BBOF1: variants seen among roughly 807,000 people sequenced by gnomAD.
The protein encoded by BBOF1 is basal body-orientation factor 1.
A neutral mutation model predicts 68.0 loss-of-function variants in BBOF1; 62 were observed. The ratio of observed to expected loss-of-function variants is 0.91; its 90% CI spans 0.74 to 1.13. The LOEUF is 1.13. Ranked by LOEUF, BBOF1 falls within the 50% of genes most tolerant of loss-of-function variation. The pLI is 0.00. For missense variants in BBOF1, 534 were observed against 600.1 expected, an observed-to-expected ratio of 0.89 and a Z score of 1.15; for synonymous variants, 208 against 198.8, an observed-to-expected ratio of 1.05 and a Z score of -0.39.
In BBOF1 at chr14:74,019,528, A is replaced by T. The variant is rs759708180; in HGVS notation, c.50A>T (p.Asp17Val). The stretch of plus-strand genomic sequence containing the variant: ...AAGAAAGGCAAGAGCAAAGGCAAAG[A>T]CACGAAGTAAGGAGAAGCCACCCGA... ...DKKKGKSKGK[D>V]TKKLIKTDES... Residue 17 changes from aspartate to valine, a missense_variant, in exon 1 of 12, where the codon GAC becomes GTC. By Grantham distance (152) the Asp-to-Val change is radical. Coordinates refer to ENST00000394009, the MANE Select transcript of BBOF1 (RefSeq NM_025057.3). The T allele has an allele frequency of 6.3e-7, 1 of 1,599,090 alleles. No individual in the cohort carries two copies. Among genetic ancestry groups the T allele is most frequent in the East Asian group, 2.3e-5 (1 of 44,008 alleles).
chr14:74,052,322 C>CT (rs2139641563), intron 8 of BBOF1, among the ~76,000 whole-genome samples: 1 of 151,862 alleles, frequency 6.6e-6, no homozygotes, highest in African/African-American at 2.4e-5. Context: ...CCTATTGCCT[C>CT]TATCAGCAGG....
At chr14:74,079,061 C>CTTAA (rs1486545762) in intron 10 of BBOF1, among the ~76,000 whole-genome samples, 6 of 151,790 alleles carry the variant, frequency 4.0e-5, no homozygotes, top group Non-Finnish European at 8.8e-5. Flanking sequence ...ACTCTCATGG[C>CTTAA]TTAACTATCT....
intron 10 of BBOF1, among the ~76,000 whole-genome samples, chr14:74,080,368 C>CT (rs35450547): frequency 0.28 from 36,603 of 128,866 alleles, 6,125 homozygotes; most frequent in East Asian, 0.65. Flanking sequence ...TAAACTCTTT[C>CT]TTTTTTTTTT....
intron 4 of BBOF1, among the ~76,000 whole-genome samples, chr14:74,036,401 G>A (rs1323989581): frequency 6.6e-6 from 1 of 152,018 alleles, no homozygotes; most frequent in Non-Finnish European, 1.5e-5. Flanking sequence ...GTTGTCTTTC[G>A]GTGAGGCACA....
intron 9 of BBOF1, chr14:74,072,758 G>A (rs891605268): frequency 1.1e-6 from 1 of 907,190 alleles, no homozygotes; most frequent in Non-Finnish European, 1.7e-6. Context: ...GTTACCACTA[G>A]GAAAGAGACA....
intron 2 of BBOF1, among the ~76,000 whole-genome samples, chr14:74,028,690 A>G (rs1297654061): frequency 2.6e-5 from 4 of 151,362 alleles, no homozygotes; most frequent in Non-Finnish European, 4.4e-5. Context: ...AGCCTGAGCA[A>G]CATGGCAAGA....
intron 9 of BBOF1, chr14:74,071,186 G>A (rs1436228263): frequency 4.3e-6 from 7 of 1,612,710 alleles, no homozygotes; most frequent in Non-Finnish European, 5.9e-6. Flanking sequence ...TATGCATAAG[G>A]GCAGTTACCT....
chr14:74,068,901 C>T (rs199875058), downstream of BBOF1: 31 of 1,613,996 alleles, frequency 1.9e-5, no homozygotes, highest in South Asian at 5.5e-5. Context: ...GATCCTCTCT[C>T]GAAGATATAC....
At position 74,055,678 on chromosome 14, in the gene BBOF1, C is replaced by T; in HGVS notation, c.1381C>T (p.Pro461Ser). 6.2e-7 allele frequency: 1 copy of T among 1,611,420 alleles called. No homozygotes were observed. The highest frequency in any genetic ancestry group is 8.5e-7 in the Non-Finnish European group (1 of 1,177,872). Residue 461 changes from proline (P) to serine (S), a missense_variant, in exon 9 of 12, where the codon CCT becomes TCT. By Grantham distance (74) the Pro-to-Ser change is moderately conservative. Transcript: ENST00000394009. ...GCTCTTTGCAAAAATGAATGGCTGT[C>T]CTTCTAGGTAACTCCCTATTTCTGC... ...RLLFAKMNGC[P>S]SRKYNQSSRP... is the part of the protein sequence containing the mutation.
chr14:74,041,591 C>T (rs1350994472), intron 5 of BBOF1, among the ~76,000 whole-genome samples: 2 of 152,072 alleles, frequency 1.3e-5, no homozygotes, highest in African/African-American at 4.8e-5. Flanking sequence ...TGTCTGTCGC[C>T]CAGGCTGGAG....
rs139225953 is a variant in BBOF1 at position 74,038,278 on chromosome 14, A to T, written c.496-2287A>T. Among the ~76,000 whole-genome samples the T allele has an allele frequency of 1.2e-4, 18 of 152,342 alleles. No homozygotes were observed. The East Asian group carries it at 3.5e-3, about 29-fold the overall frequency. On this transcript the variant is annotated intron_variant, in intron 4 of 11. Coordinates refer to ENST00000394009, the MANE Select transcript of BBOF1 (RefSeq NM_025057.3). The stretch of plus-strand genomic sequence containing the variant: ...GGAAGGAATACAAGTTATGTTTTAT[A>T]TGAAAATGCTGTAGATTGAATCAAC...
Position 74,065,082 on chromosome 14 carries a change from T to C in BBOF1, c.*383T>C, listed in dbSNP as rs558456298. On this transcript the variant is annotated 3_prime_UTR_variant, in exon 12 of 12. Coordinates refer to ENST00000394009, the MANE Select transcript of BBOF1 (RefSeq NM_025057.3). ...AGAAATGGGGCAATGTGGGAGGTCA[T>C]GGGGGCAATCTTAAACCAATGACTC... 10 of 1,475,260 alleles carry C rather than the reference T, an allele frequency of 6.8e-6. No homozygotes were observed. In the African/African-American group the frequency reaches 7.0e-5, roughly 10 times the overall value. 91.4% of individuals were successfully genotyped at this position (1,475,260 alleles called of 1,614,324 possible).
intron 1 of BBOF1, among the ~76,000 whole-genome samples, chr14:74,021,971 T>C (rs2059312851): frequency 6.6e-6 from 1 of 151,182 alleles, no homozygotes; most frequent in Non-Finnish European, 1.5e-5. Flanking sequence ...ATCACAGTTA[T>C]ACTACCAATG....
chr14:74,057,917 T>A, intron 11 of BBOF1: 1 of 993,834 alleles, frequency 1.0e-6, no homozygotes, highest in Non-Finnish European at 1.2e-6. Context: ...AGAAGTGATT[T>A]CCCTTAAATA....
At chr14:74,071,024 A>G (rs2060541979), downstream of BBOF1, 2 of 700,500 alleles carry the variant, frequency 2.9e-6, no homozygotes, top group African/African-American at 3.5e-5. Context: ...TTCCCCAATC[A>G]GTTACCTTGG....
rs753122207 is a variant in BBOF1 at position 74,071,202 on chromosome 14, C to T, written n.1380-6994C>T. The T allele has an allele frequency of 5.0e-6, 8 of 1,614,082 alleles. No homozygotes were observed. The Admixed American group carries it at 8.3e-5, about 17-fold the overall frequency. On this transcript the variant is annotated intron_variant and non_coding_transcript_variant, in intron 9 of 12. Coordinates refer to the BBOF1 transcript ENST00000492026. Reference sequence around the variant, plus strand: ...ATGCATAAGGGCAGTTACCTTCATGCTGTCCATGGATGATGTTTAATGTTC... The same window carrying T: ...ATGCATAAGGGCAGTTACCTTCATGTTGTCCATGGATGATGTTTAATGTTC...
At chr14:74,041,947 G>A (rs1321496855) in intron 5 of BBOF1, among the ~76,000 whole-genome samples, 1 of 152,142 alleles carries the variant, frequency 6.6e-6, no homozygotes. Flanking sequence ...TGAGACGGGA[G>A]AATTGCTTGA....
chr14:74,054,671 C>A (rs1399091389), intron 8 of BBOF1, among the ~76,000 whole-genome samples: 2 of 146,272 alleles, frequency 1.4e-5, no homozygotes, highest in Non-Finnish European at 3.0e-5. Context: ...GCCACCGCAC[C>A]CAGGCTCTTT....
At chr14:74,068,776 G>C (rs1159315170), downstream of BBOF1, 53 of 1,473,344 alleles carry the variant, frequency 3.6e-5, 1 homozygote, top group Middle Eastern at 8.7e-4. Context: ...GGAGTGGGAT[G>C]AGTGGCCTCT....
Sources: allele counts gnomAD v4.1 joint callset (sites outside exome capture counted in the v4.1 genomes callset), GRCh38; gene constraint gnomAD v4.1.1; transcripts MANE v1.5; gene names NCBI Gene and HGNC (gene_info 2026-07-23, HGNC 2026-07-21).